Variants in NCEH1 observed in about 807,000 individuals in gnomAD.
NCEH1 encodes the protein 2-acetyl MAGE hydrolase.
NCEH1 carries 9 observed loss-of-function variants against 25.4 expected under a neutral mutation model. That is an observed-to-expected ratio of 0.35 (90% confidence interval 0.21 to 0.62). The LOEUF is 0.62. NCEH1 is among the 20% of genes least tolerant of loss of function. NCEH1 has a pLI of 0.72. For missense variants in NCEH1, 412 were observed against 501.1 expected (o/e 0.82, Z 1.70); for synonymous variants, 200 against 199.8 (o/e 1.00, Z -0.01).
intron 3 of NCEH1, among the ~76,000 whole-genome samples, chr3:172,641,142 TACTC>T (rs913537759): frequency 6.6e-6 from 1 of 152,080 alleles, no homozygotes; most frequent in African/African-American, 2.4e-5. Flanking sequence ...GGTAAAAAAA[TACTC>T]TATTATAGTT....
intron 1 of NCEH1, among the ~76,000 whole-genome samples, chr3:172,663,758 C>G (rs377145540): frequency 1.5e-4 from 23 of 152,130 alleles, no homozygotes; most frequent in East Asian, 1.9e-4. Context: ...TTTAAAGTCT[C>G]TTTTATCAGA....
At chr3:172,656,899 G>T (rs948749490) in intron 1 of NCEH1, among the ~76,000 whole-genome samples, 1 of 152,048 alleles carries the variant, frequency 6.6e-6, no homozygotes, top group Non-Finnish European at 1.5e-5. Flanking sequence ...TGCCAATGCC[G>T]ATGCCAATGA....
intron 1 of NCEH1, among the ~76,000 whole-genome samples, chr3:172,682,303 A>G (rs1712425199): frequency 6.6e-6 from 1 of 152,208 alleles, no homozygotes. Flanking sequence ...TAAGACTTCC[A>G]GTTTATCTAC....
chr3:172,694,671 T>C (rs957776581), intron 1 of NCEH1, among the ~76,000 whole-genome samples: 3 of 152,314 alleles, frequency 2.0e-5, no homozygotes, highest in South Asian at 2.1e-4. Context: ...GACAGGCCCA[T>C]TGCAGTCCTC....
chr3:172,686,518 G>T (rs1020689420), intron 1 of NCEH1, among the ~76,000 whole-genome samples: 16 of 152,210 alleles, frequency 1.1e-4, no homozygotes, highest in African/African-American at 3.1e-4. Flanking sequence ...ATAGGACATA[G>T]GACTGTACTG....
intron 1 of NCEH1, among the ~76,000 whole-genome samples, chr3:172,668,547 A>T (rs1417857406): frequency 6.6e-6 from 1 of 151,864 alleles, no homozygotes; most frequent in Non-Finnish European, 1.5e-5. Context: ...TTTACAAAAG[A>T]GTAGTTTCTT....
rs1045588446 is a variant in NCEH1 at position 172,688,347 on chromosome 3, A to AG, written c.138+22499_138+22500insC. Among the ~76,000 whole-genome samples, 68 of 151,576 alleles carry AG rather than the reference A, an allele frequency of 4.5e-4. 1 individual carries two copies. The East Asian group carries it at 9.8e-3, about 22-fold the overall frequency. Reference sequence around the variant, plus strand: ...CTCCACCTCAAAAAAAAAAAAAAAAAAAAAAGAAAATGGACATGGAGATTA... The same window carrying AG: ...CTCCACCTCAAAAAAAAAAAAAAAAAGAAAAAGAAAATGGACATGGAGATTA... On this transcript the variant is annotated intron_variant, in intron 1 of 4. Transcript: ENST00000475381.
intron 1 of NCEH1, among the ~76,000 whole-genome samples, chr3:172,654,138 G>C (rs1013222000): frequency 6.6e-6 from 1 of 152,142 alleles, no homozygotes; most frequent in Non-Finnish European, 1.5e-5. Context: ...GCAATAACAG[G>C]CTCAATCTAA....
chr3:172,701,101 T>C (rs648462), intron 1 of NCEH1, among the ~76,000 whole-genome samples: 82,872 of 152,016 alleles, frequency 0.55, 24,596 homozygotes, highest in African/African-American at 0.79. Context: ...ATTTGCTGAC[T>C]ACTCCCAAAT....
At chr3:172,655,073 G>C (rs1223255887) in intron 1 of NCEH1, among the ~76,000 whole-genome samples, 1 of 152,184 alleles carries the variant, frequency 6.6e-6, no homozygotes, top group Non-Finnish European at 1.5e-5. Context: ...GGTGAATTGA[G>C]TTTTAATGAA....
intron 1 of NCEH1, among the ~76,000 whole-genome samples, chr3:172,679,076 C>A (rs1712192935): frequency 6.6e-6 from 1 of 152,146 alleles, no homozygotes; most frequent in South Asian, 2.1e-4. Context: ...TTTGTCCCGA[C>A]TGGCTAGCAA....
chr3:172,671,092 C>G (rs1183107663), intron 1 of NCEH1, among the ~76,000 whole-genome samples: 1 of 149,902 alleles, frequency 6.7e-6, no homozygotes, highest in African/African-American at 2.6e-5. Context: ...AGACAAGCAG[C>G]TCTCAGATGA....
chr3:172,671,122 C>A (rs1711588890), intron 1 of NCEH1, among the ~76,000 whole-genome samples: 1 of 151,204 alleles, frequency 6.6e-6, no homozygotes, highest in African/African-American at 2.5e-5. Flanking sequence ...ATATTAAATT[C>A]AATCTTAGCA....
In NCEH1 at chr3:172,644,949, A is replaced by T. The variant is rs544779663; in HGVS notation, c.437+674T>A. On this transcript the variant is annotated intron_variant, in intron 3 of 4. Coordinates refer to ENST00000475381, the MANE Select transcript of NCEH1 (RefSeq NM_020792.6). The stretch of plus-strand genomic sequence containing the variant: ...GCAATTTCACAAAGGCTTGTCAAAA[A>T]AAGGCTTGGCTGAGAGGATGGTATC... Among the ~76,000 whole-genome samples, 43 of 152,342 alleles carry T rather than the reference A, an allele frequency of 2.8e-4. No homozygotes were observed. In the South Asian group the frequency reaches 6.8e-3, roughly 24 times the overall value.
chr3:172,664,013 G>A lies in NCEH1; in HGVS notation c.139-15899C>T, dbSNP rs567049304. On this transcript the variant is annotated intron_variant, in intron 1 of 4. Coordinates refer to ENST00000475381, the MANE Select transcript of NCEH1 (RefSeq NM_020792.6). ...TGATCCTGTCATTATGATATTAGCT[G>A]GTTATTTTGCTCGTTAGTTGATGCA... Among the ~76,000 whole-genome samples the A allele has an allele frequency of 3.3e-5, 5 of 152,290 alleles. No individual in the cohort carries two copies. The South Asian group carries it at 8.3e-4, about 25-fold the overall frequency.
chr3:172,671,528 CATAT>C (rs58528838), intron 1 of NCEH1, among the ~76,000 whole-genome samples: 8 of 137,052 alleles, frequency 5.8e-5, no homozygotes, highest in African/African-American at 2.2e-4. Context: ...CACACACACA[CATAT>C]ATAGATATAT....
At chr3:172,699,814 C>T (rs1713583942) in intron 1 of NCEH1, among the ~76,000 whole-genome samples, 1 of 152,072 alleles carries the variant, frequency 6.6e-6, no homozygotes, top group Non-Finnish European at 1.5e-5. Context: ...TGCAGTGAAC[C>T]ACGATCATAC....
Position 172,633,306 on chromosome 3 carries a change from A to AT in NCEH1, c.*168dup. On this transcript the variant is annotated 3_prime_UTR_variant, in exon 5 of 5. Coordinates refer to ENST00000475381, the MANE Select transcript of NCEH1 (RefSeq NM_020792.6). ...TTTTGCACTTAAGTTAGTCAAATTC[A>AT]TTTTTAAAAATTAGGTTATCATAAA... 1.4e-6 allele frequency: 1 copy of AT among 699,718 alleles called. No individual in the cohort carries two copies. The highest frequency in any genetic ancestry group is 2.4e-6 in the Non-Finnish European group (1 of 422,272). The allele number at this position is 699,718 out of a possible 1,614,324, so 43.3% of individuals were successfully genotyped here.
At chr3:172,647,391 T>C (rs1717168482) in intron 2 of NCEH1, among the ~76,000 whole-genome samples, 1 of 152,256 alleles carries the variant, frequency 6.6e-6, no homozygotes, top group Non-Finnish European at 1.5e-5. Context: ...GTTGCATATA[T>C]TTTTACCTTT....
Sources: allele counts gnomAD v4.1 joint callset (sites outside exome capture counted in the v4.1 genomes callset), GRCh38; gene constraint gnomAD v4.1.1; transcripts MANE v1.5; gene names NCBI Gene and HGNC (gene_info 2026-07-23, HGNC 2026-07-21).